The following TTC28 variants were observed in gnomAD, a reference collection of about 807,000 sequenced individuals.
The protein encoded by TTC28 is tetratricopeptide repeat domain 28.
Under a neutral mutation model 198.0 loss-of-function variants are expected in TTC28, and 61 were observed. That is an observed-to-expected ratio of 0.31 (90% confidence interval 0.25 to 0.38). The LOEUF (loss-of-function observed/expected upper bound fraction) is 0.38, where lower values mean the gene tolerates loss of function less well. Ranked by LOEUF, TTC28 falls within the 10% of genes least tolerant of loss-of-function variation. The pLI, the probability that TTC28 is intolerant of heterozygous loss-of-function variation, is 1.00. For missense variants in TTC28, 2,678 were observed against 3,164.0 expected (o/e 0.85, Z 3.69); for synonymous variants, 1,171 against 1,297.8 (o/e 0.90, Z 2.10).
chr22:28,560,988 C>G (rs2049864583), intron 2 of TTC28, among the ~76,000 whole-genome samples: 1 of 151,804 alleles, frequency 6.6e-6, no homozygotes, highest in African/African-American at 2.4e-5. Context: ...AGCTCCTGAC[C>G]TCAAGTGATC....
Position 27,978,050 on chromosome 22 carries a change from A to C in TTC28, c.*4171T>G, listed in dbSNP as rs1601467946. 1 of 152,372 alleles carries C rather than the reference A, an allele frequency of 6.6e-6. No homozygotes were observed. Among genetic ancestry groups the C allele is most frequent in the East Asian group, 1.9e-4 (1 of 5,190 alleles). 9.4% of individuals were successfully genotyped at this position (152,372 alleles called of 1,614,324 possible). A position where few individuals can be genotyped will look rare whatever the true frequency, so the allele number is the denominator to read the frequency against. On this transcript the variant is annotated 3_prime_UTR_variant, in exon 23 of 23. Transcript: ENST00000397906. ...GGAACTCATGCTTTAATAGACACTG[A>C]AAATCACAAAGGAGGAAGGCCAAGT...
chr22:28,569,151 C>CAAATAAATAAATAAAT (rs33998799), intron 2 of TTC28, among the ~76,000 whole-genome samples: 242 of 136,048 alleles, frequency 1.8e-3, no homozygotes, highest in Non-Finnish European at 2.5e-3. Flanking sequence ...TGTTCTGTCT[C>CAAATAAATAAATAAAT]AAATAAATAA....
chr22:28,553,438 G>A (rs1325470847), intron 2 of TTC28, among the ~76,000 whole-genome samples: 47 of 144,956 alleles, frequency 3.2e-4, no homozygotes, highest in East Asian at 1.1e-3. Flanking sequence ...CTGCCCCGCC[G>A]CCCTGTCTGG....
At chr22:28,528,544 T>A (rs1165292194) in intron 2 of TTC28, among the ~76,000 whole-genome samples, 2 of 150,252 alleles carry the variant, frequency 1.3e-5, no homozygotes, top group African/African-American at 4.9e-5. Context: ...AGCCTGGACA[T>A]GATAAAACCC....
chr22:28,648,752 T>C (rs2146257476), intron 1 of TTC28, among the ~76,000 whole-genome samples: 1 of 152,122 alleles, frequency 6.6e-6, no homozygotes, highest in East Asian at 1.9e-4. Context: ...CTACTAAAAA[T>C]ACAAAAATTA....
chr22:28,124,694 A>G (rs2146948279), intron 6 of TTC28, among the ~76,000 whole-genome samples: 2 of 152,322 alleles, frequency 1.3e-5, no homozygotes, highest in Middle Eastern at 3.4e-3. Context: ...AGCAAGATAC[A>G]GGAGAGAAGG....
intron 12 of TTC28, among the ~76,000 whole-genome samples, chr22:28,035,953 T>C (rs1939324701): frequency 6.6e-6 from 1 of 152,160 alleles, no homozygotes; most frequent in Non-Finnish European, 1.5e-5. Flanking sequence ...CCTAAATATA[T>C]ATGCACCCAA....
intron 2 of TTC28, among the ~76,000 whole-genome samples, chr22:28,414,740 T>TAC (rs2047142217): frequency 6.6e-6 from 1 of 152,134 alleles, no homozygotes; most frequent in African/African-American, 2.4e-5. Flanking sequence ...GAAAAGTGAA[T>TAC]ACGCAATGAT....
At chr22:28,586,255 G>T (rs2050316659) in intron 2 of TTC28, among the ~76,000 whole-genome samples, 2 of 151,074 alleles carry the variant, frequency 1.3e-5, no homozygotes, top group Non-Finnish European at 3.0e-5. Context: ...TTCCAGCCTG[G>T]GCAACTGAGC....
intron 1 of TTC28, among the ~76,000 whole-genome samples, chr22:28,646,409 C>T (rs139304399): frequency 6.6e-6 from 1 of 152,124 alleles, no homozygotes; most frequent in Non-Finnish European, 1.5e-5. Context: ...TCACAGATGA[C>T]ACAAACAAAT....
At chr22:28,568,405 GAA>G (rs919680706) in intron 2 of TTC28, among the ~76,000 whole-genome samples, 28 of 152,060 alleles carry the variant, frequency 1.8e-4, no homozygotes, top group African/African-American at 6.3e-4. Flanking sequence ...ATACAAATAG[GAA>G]GAGAAGTCAA....
chr22:28,628,202 C>T (rs2051109305), intron 2 of TTC28, among the ~76,000 whole-genome samples: 1 of 152,270 alleles, frequency 6.6e-6, no homozygotes, highest in African/African-American at 2.4e-5. Flanking sequence ...AGCCCTTCAG[C>T]ATATTATTAA....
intron 5 of TTC28, among the ~76,000 whole-genome samples, chr22:28,213,643 T>C (rs924437897): frequency 6.4e-5 from 9 of 140,704 alleles, no homozygotes; most frequent in Non-Finnish European, 1.2e-4. Context: ...CACAAACAAA[T>C]GGAAGAACAT....
chr22:28,541,265 T>A (rs1315600876), intron 2 of TTC28, among the ~76,000 whole-genome samples: 1 of 152,186 alleles, frequency 6.6e-6, no homozygotes, highest in African/African-American at 2.4e-5. Flanking sequence ...TACAAATGAA[T>A]TTAGCCCCAT....
At chr22:28,356,276 C>T (rs560791926) in intron 2 of TTC28, among the ~76,000 whole-genome samples, 1 of 152,248 alleles carries the variant, frequency 6.6e-6, no homozygotes, top group Admixed American at 6.5e-5. Flanking sequence ...TTCCCACTTC[C>T]TCACTTTTCA....
At chr22:28,543,796 A>G (rs1239468978) in intron 2 of TTC28, among the ~76,000 whole-genome samples, 1 of 152,254 alleles carries the variant, frequency 6.6e-6, no homozygotes, top group African/African-American at 2.4e-5. Context: ...AGACATAAGA[A>G]AACTACAAAC....
intron 2 of TTC28, among the ~76,000 whole-genome samples, chr22:28,594,980 C>T (rs924204534): frequency 2.6e-5 from 4 of 152,106 alleles, no homozygotes; most frequent in African/African-American, 9.7e-5. Flanking sequence ...ATAGACAGTA[C>T]GGACATTCTT....
At position 28,390,664 on chromosome 22, in the gene TTC28, A is replaced by AC. The variant is rs1296257015; in HGVS notation, c.382-84022dup. On this transcript the variant is annotated intron_variant, in intron 2 of 22. Transcript: ENST00000397906. ...TGTTTTATCAGAGACTAGGATTACA[A>AC]CCCCTGCCTTTTTTTGTTTTCCATT... Among the ~76,000 whole-genome samples, 18 of 151,902 alleles carry AC rather than the reference A, an allele frequency of 1.2e-4. 1 individual carries two copies. Among genetic ancestry groups the AC allele is most frequent in the Non-Finnish European group, 2.1e-4 (14 of 67,958 alleles).
At chr22:28,371,738 T>G (rs2046340756) in intron 2 of TTC28, among the ~76,000 whole-genome samples, 1 of 145,010 alleles carries the variant, frequency 6.9e-6, no homozygotes, top group Non-Finnish European at 1.5e-5. Context: ...CCCATCACCA[T>G]GCCCGGCTAA....
Sources: allele counts gnomAD v4.1 joint callset (sites outside exome capture counted in the v4.1 genomes callset), GRCh38; gene constraint gnomAD v4.1.1; transcripts MANE v1.5; gene names NCBI Gene and HGNC (gene_info 2026-07-23, HGNC 2026-07-21).